DYNC1I1: variants seen among roughly 807,000 people sequenced by gnomAD.
DYNC1I1 encodes dynein cytoplasmic 1 intermediate chain 1.
DYNC1I1 carries 43 observed loss-of-function variants against 86.6 expected under a neutral mutation model. The ratio of observed to expected loss-of-function variants is 0.50; its 90% CI spans 0.39 to 0.64. The LOEUF is 0.64. Ranked by LOEUF, DYNC1I1 falls within the 30% of genes least tolerant of loss-of-function variation. The pLI, the probability that DYNC1I1 is intolerant of heterozygous loss-of-function variation, is 0.00. For synonymous variants in DYNC1I1, 262 were observed against 283.7 expected, an observed-to-expected ratio of 0.92 and a Z score of 0.77; for missense variants, 604 against 788.8, an observed-to-expected ratio of 0.77 and a Z score of 2.81.
chr7:96,090,537 T>A (rs1205291605), intron 16 of DYNC1I1, among the ~76,000 whole-genome samples: 46 of 149,754 alleles, frequency 3.1e-4, no homozygotes, highest in African/African-American at 1.1e-3. Flanking sequence ...AAAAACGTGG[T>A]AAAAATAGTA....
intron 1 of DYNC1I1, among the ~76,000 whole-genome samples, chr7:95,798,972 C>A (rs1794512642): frequency 6.6e-6 from 1 of 152,152 alleles, no homozygotes; most frequent in African/African-American, 2.4e-5. Context: ...TGTAGGGGAA[C>A]CTGGCAAGGC....
At chr7:95,841,812 A>T (rs771788845) in intron 5 of DYNC1I1, among the ~76,000 whole-genome samples, 7 of 152,140 alleles carry the variant, frequency 4.6e-5, no homozygotes, top group Non-Finnish European at 8.8e-5. Context: ...AGGGCTTTTG[A>T]TGTGCAATCT....
chr7:96,005,830 A>C (rs1489206574), intron 10 of DYNC1I1, among the ~76,000 whole-genome samples: 1 of 152,186 alleles, frequency 6.6e-6, no homozygotes, highest in Non-Finnish European at 1.5e-5. Context: ...GAAGTTTTCA[A>C]AACGCCGTTG....
intron 5 of DYNC1I1, among the ~76,000 whole-genome samples, chr7:95,846,627 C>CTCTGTGTGTG (rs1470021957): frequency 7.3e-6 from 1 of 136,484 alleles, no homozygotes; most frequent in Non-Finnish European, 1.6e-5. Context: ...ATCTCTCTCT[C>CTCTGTGTGTG]TGTGTGTGTG....
intron 6 of DYNC1I1, among the ~76,000 whole-genome samples, chr7:95,935,665 C>G: frequency 6.6e-6 from 1 of 151,898 alleles, no homozygotes; most frequent in Non-Finnish European, 1.5e-5. Context: ...AAAAAGCAAC[C>G]TAAAGATTGA....
At chr7:96,007,979 C>T (rs1794182743) in intron 10 of DYNC1I1, among the ~76,000 whole-genome samples, 1 of 152,166 alleles carries the variant, frequency 6.6e-6, no homozygotes, top group African/African-American at 2.4e-5. Context: ...GAAGTAAGAG[C>T]TGCTGAGACC....
chr7:96,107,504 A>G (rs1437114187), intron 16 of DYNC1I1, among the ~76,000 whole-genome samples: 2 of 149,268 alleles, frequency 1.3e-5, no homozygotes, highest in Non-Finnish European at 1.5e-5. Flanking sequence ...AAGTTTGTTT[A>G]TGCTTATCTG....
chr7:95,844,865 G>A (rs1789384820), intron 5 of DYNC1I1, among the ~76,000 whole-genome samples: 1 of 152,146 alleles, frequency 6.6e-6, no homozygotes, highest in Non-Finnish European at 1.5e-5. Flanking sequence ...GCTGGTAATC[G>A]TTTAACTATC....
chr7:96,071,601 C>T (rs1790162071), intron 14 of DYNC1I1, among the ~76,000 whole-genome samples: 1 of 152,314 alleles, frequency 6.6e-6, no homozygotes, highest in South Asian at 2.1e-4. Context: ...TTTTTCCACT[C>T]TCCACTGCGT....
chr7:96,058,697 C>T (rs975879240), intron 14 of DYNC1I1, among the ~76,000 whole-genome samples: 4 of 151,856 alleles, frequency 2.6e-5, no homozygotes, highest in South Asian at 2.1e-4. Context: ...TGCAGCAGTG[C>T]GATCTCAGCT....
intron 14 of DYNC1I1, among the ~76,000 whole-genome samples, chr7:96,071,967 T>C (rs1293715133): frequency 6.6e-6 from 1 of 152,198 alleles, no homozygotes; most frequent in Non-Finnish European, 1.5e-5. Context: ...GCTTAACAGC[T>C]AGGAAAACCT....
intron 1 of DYNC1I1, among the ~76,000 whole-genome samples, chr7:95,785,775 G>GTATGTGTATA (rs55666459): frequency 3.2e-5 from 4 of 124,890 alleles, no homozygotes; most frequent in East Asian, 2.6e-4. Flanking sequence ...GTGTGTATGT[G>GTATGTGTATA]TATATATATA....
chr7:95,816,584 C>T (rs757234559), intron 4 of DYNC1I1, among the ~76,000 whole-genome samples: 3 of 152,064 alleles, frequency 2.0e-5, no homozygotes, highest in African/African-American at 4.8e-5. Flanking sequence ...GCAAGCAACA[C>T]GCTCTTGGAT....
chr7:95,864,012 A>G (rs1213134129), intron 5 of DYNC1I1, among the ~76,000 whole-genome samples: 1 of 152,222 alleles, frequency 6.6e-6, no homozygotes, highest in Non-Finnish European at 1.5e-5. Flanking sequence ...TTAGAATTCC[A>G]TTGGTAATGT....
chr7:96,030,627 A>G (rs1253317746), intron 11 of DYNC1I1, among the ~76,000 whole-genome samples: 3 of 152,076 alleles, frequency 2.0e-5, no homozygotes, highest in Non-Finnish European at 2.9e-5. Flanking sequence ...GTGGTTATCA[A>G]AGAAGCCCCA....
At chr7:96,056,532 C>T (rs571340168) in intron 14 of DYNC1I1, among the ~76,000 whole-genome samples, 22 of 152,248 alleles carry the variant, frequency 1.4e-4, no homozygotes, top group African/African-American at 5.3e-4. Flanking sequence ...TCTCCCCATG[C>T]TCATTCTTCC....
intron 14 of DYNC1I1, among the ~76,000 whole-genome samples, chr7:96,061,712 T>A (rs7790922): frequency 0.18 from 24,733 of 136,522 alleles, 2,402 homozygotes; most frequent in South Asian, 0.27. Context: ...TCTCTCTCTC[T>A]CACACACACA....
At chr7:95,800,170 G>A (rs1794544002) in intron 1 of DYNC1I1, among the ~76,000 whole-genome samples, 1 of 151,394 alleles carries the variant, frequency 6.6e-6, no homozygotes, top group Non-Finnish European at 1.5e-5. Context: ...AGAGGATAAA[G>A]GGTAAATCAA....
At chr7:95,897,109 C>T (rs1411940900) in intron 6 of DYNC1I1, among the ~76,000 whole-genome samples, 1 of 152,036 alleles carries the variant, frequency 6.6e-6, no homozygotes, top group Non-Finnish European at 1.5e-5. Flanking sequence ...AAAAGGGAAG[C>T]CTTTAATTGG....
Sources: allele counts gnomAD v4.1 joint callset (sites outside exome capture counted in the v4.1 genomes callset), GRCh38; gene constraint gnomAD v4.1.1; transcripts MANE v1.5; gene names NCBI Gene and HGNC (gene_info 2026-07-23, HGNC 2026-07-21).